ESRRG: variants seen among roughly 807,000 people sequenced by gnomAD.
ESRRG encodes the protein estrogen-related receptor gamma.
ESRRG carries 13 observed loss-of-function variants against 44.0 expected under a neutral mutation model. That is an observed-to-expected ratio of 0.30 (90% CI 0.19 to 0.47). The LOEUF (loss-of-function observed/expected upper bound fraction) is 0.47, where lower values mean the gene tolerates loss of function less well. ESRRG is among the 20% of genes least tolerant of loss of function. The pLI, the probability that ESRRG is intolerant of heterozygous loss-of-function variation, is 1.00. For synonymous variants in ESRRG, 215 were observed against 214.6 expected (o/e 1.00, Z -0.02); for missense variants, 395 against 580.6 (o/e 0.68, Z 3.29).
intron 3 of ESRRG, among the ~76,000 whole-genome samples, chr1:216,613,454 T>C (rs1485807437): frequency 1.3e-5 from 2 of 152,218 alleles, no homozygotes; most frequent in Non-Finnish European, 2.9e-5. Flanking sequence ...AGTTTTTCCC[T>C]CTTTATTTAT....
In ESRRG at chr1:216,741,088, G is replaced by A. The variant is rs2090638176; in HGVS notation, c.-13-63597C>T. ...TCTTTCACGCCCCCGTCCCCATATG[G>A]GAAGACTGTCCAACATAATGGGATA... On this transcript the variant is annotated intron_variant, in intron 2 of 7. Transcript: ENST00000359162. Among the ~76,000 whole-genome samples the A allele has an allele frequency of 2.0e-5, 3 of 150,548 alleles. No homozygotes were observed. The Middle Eastern group carries it at 0.01, about 526-fold the overall frequency.
At chr1:216,515,069 T>C (rs1021539691) in intron 6 of ESRRG, among the ~76,000 whole-genome samples, 2 of 151,924 alleles carry the variant, frequency 1.3e-5, no homozygotes, top group African/African-American at 4.8e-5. Context: ...ATCTAAAATT[T>C]TCAGGCCATT....
At chr1:216,703,461 C>A (rs1458054469) in intron 1 of ESRRG, among the ~76,000 whole-genome samples, 4 of 152,136 alleles carry the variant, frequency 2.6e-5, no homozygotes, top group African/African-American at 9.7e-5. Flanking sequence ...TCCTTCTTTG[C>A]CTGTCTAGAG....
At chr1:216,588,654 G>A (rs2057104765) in intron 3 of ESRRG, among the ~76,000 whole-genome samples, 1 of 152,188 alleles carries the variant, frequency 6.6e-6, no homozygotes, top group Non-Finnish European at 1.5e-5. Flanking sequence ...GCTCAGAGAA[G>A]TTAAGCAATT....
At chr1:216,520,845 T>C (rs921988371) in intron 5 of ESRRG, among the ~76,000 whole-genome samples, 2 of 152,224 alleles carry the variant, frequency 1.3e-5, no homozygotes, top group African/African-American at 4.8e-5. Flanking sequence ...CCAACCTTTT[T>C]AGGCTGCTGC....
chr1:216,964,043 G>A (rs559815529), intron 1 of ESRRG, among the ~76,000 whole-genome samples: 53 of 152,224 alleles, frequency 3.5e-4, no homozygotes, highest in East Asian at 1.7e-3. Flanking sequence ...CAGATGCAAA[G>A]GTCCTGTGGC....
intron 2 of ESRRG, among the ~76,000 whole-genome samples, chr1:216,737,078 A>G (rs1310362279): frequency 6.6e-6 from 1 of 152,242 alleles, no homozygotes; most frequent in African/African-American, 2.4e-5. Flanking sequence ...ATTAATAAAT[A>G]AAGTGATGCT....
intron 1 of ESRRG, among the ~76,000 whole-genome samples, chr1:216,699,520 A>G (rs955409775): frequency 1.7e-4 from 26 of 152,170 alleles, no homozygotes; most frequent in African/African-American, 6.0e-4. Flanking sequence ...TCTTTTCATA[A>G]CTCTTGATGT....
intron 3 of ESRRG, among the ~76,000 whole-genome samples, chr1:216,579,827 C>A (rs2062395979): frequency 6.6e-6 from 1 of 152,126 alleles, no homozygotes; most frequent in Admixed American, 6.5e-5. Flanking sequence ...AATGTCACTC[C>A]CTCATGTAGA....
At chr1:216,743,173 T>A (rs1477521566) in intron 2 of ESRRG, among the ~76,000 whole-genome samples, 1 of 152,150 alleles carries the variant, frequency 6.6e-6, no homozygotes. Flanking sequence ...CTTTAAAATC[T>A]AAGACAATAT....
intron 1 of ESRRG, among the ~76,000 whole-genome samples, chr1:217,084,473 C>T (rs2091959186): frequency 6.6e-6 from 1 of 151,974 alleles, no homozygotes; most frequent in African/African-American, 2.4e-5. Flanking sequence ...TAGAATGAGA[C>T]CAAACTTAAA....
intron 1 of ESRRG, among the ~76,000 whole-genome samples, chr1:216,690,699 A>T (rs1309627737): frequency 6.6e-6 from 1 of 152,154 alleles, no homozygotes; most frequent in Non-Finnish European, 1.5e-5. Context: ...CCTGTACCAG[A>T]TCGTAAATAA....
intron 3 of ESRRG, among the ~76,000 whole-genome samples, chr1:216,588,467 C>CT (rs2057068721): frequency 6.6e-6 from 1 of 152,106 alleles, no homozygotes; most frequent in Admixed American, 6.6e-5. Context: ...ATTTTATGGC[C>CT]TTTATGTTCT....
At position 216,945,856 on chromosome 1, in the gene ESRRG, A is replaced by T. The variant is rs2065974231; in HGVS notation, c.-105-6183T>A. The stretch of plus-strand genomic sequence containing the variant: ...TTGTACTTAGGACATTATGATTCTG[A>T]TGGTTGGTCTGATCAAAACTGGTGT... On this transcript the variant is annotated intron_variant, in intron 1 of 7. Coordinates refer to the ESRRG transcript ENST00000359162. 2.0e-5 allele frequency among the ~76,000 whole-genome samples: 3 copies of T among 152,170 alleles called. No homozygotes were observed. The South Asian group carries it at 6.2e-4, about 32-fold the overall frequency.
chr1:216,853,674 T>C (rs1398729950), intron 2 of ESRRG, among the ~76,000 whole-genome samples: 1 of 152,194 alleles, frequency 6.6e-6, no homozygotes, highest in East Asian at 1.9e-4. Context: ...GTAAACTCAC[T>C]GGTCCTCCAA....
intron 1 of ESRRG, among the ~76,000 whole-genome samples, chr1:217,075,617 C>T (rs891409413): frequency 7.0e-6 from 1 of 142,454 alleles, no homozygotes; most frequent in African/African-American, 2.5e-5. Flanking sequence ...TTACTAGAGT[C>T]TATTCTTTTA....
At chr1:217,130,198 T>C (rs1445348928) in intron 1 of ESRRG, among the ~76,000 whole-genome samples, 1 of 152,092 alleles carries the variant, frequency 6.6e-6, no homozygotes. Flanking sequence ...TCATTTTTGG[T>C]TTGTCACATT....
At chr1:216,557,913 C>T (rs1257769798) in intron 5 of ESRRG, among the ~76,000 whole-genome samples, 1 of 152,148 alleles carries the variant, frequency 6.6e-6, no homozygotes, top group Non-Finnish European at 1.5e-5. Context: ...GATTATTTCA[C>T]TTTGATCACA....
intron 1 of ESRRG, among the ~76,000 whole-genome samples, chr1:217,085,887 T>G (rs1234909058): frequency 6.6e-6 from 1 of 152,132 alleles, no homozygotes; most frequent in Non-Finnish European, 1.5e-5. Flanking sequence ...TTCTTTGCTC[T>G]GATTCCTAAA....
Sources: allele counts gnomAD v4.1 joint callset (sites outside exome capture counted in the v4.1 genomes callset), GRCh38; gene constraint gnomAD v4.1.1; transcripts MANE v1.5; gene names NCBI Gene and HGNC (gene_info 2026-07-23, HGNC 2026-07-21).